The following GRIK3 variants were observed in gnomAD, a reference collection of about 807,000 sequenced individuals.
GRIK3 encodes glutamate ionotropic receptor kainate type subunit 3.
In GRIK3, 29 loss-of-function variants were observed where a neutral mutation model predicts 102.5. That is an observed-to-expected ratio of 0.28 (90% CI 0.21 to 0.39). The LOEUF is 0.39. GRIK3 is among the 10% of genes least tolerant of loss of function. GRIK3 has a pLI of 1.00. For synonymous variants in GRIK3, 511 were observed against 504.9 expected (o/e 1.01, Z -0.16); for missense variants, 908 against 1,252.4 (o/e 0.73, Z 4.15).
chr1:36,972,794 G>A (rs1642158131), intron 1 of GRIK3, among the ~76,000 whole-genome samples: 1 of 152,164 alleles, frequency 6.6e-6, no homozygotes, highest in Non-Finnish European at 1.5e-5. Context: ...ATGTCCCTCA[G>A]CAAGCTGGGA....
chr1:36,814,023 A>G (rs1032544939), intron 13 of GRIK3, among the ~76,000 whole-genome samples: 6 of 152,178 alleles, frequency 3.9e-5, no homozygotes, highest in African/African-American at 1.4e-4. Flanking sequence ...TCCTGTGAGC[A>G]TGGGCCCATG....
chr1:36,874,109 A>G (rs2124255928), intron 3 of GRIK3, among the ~76,000 whole-genome samples: 1 of 152,298 alleles, frequency 6.6e-6, no homozygotes, highest in South Asian at 2.1e-4. Flanking sequence ...AAAGTTTTCA[A>G]TCAACTGTTA....
At chr1:36,982,490 G>A (rs1642260176) in intron 1 of GRIK3, among the ~76,000 whole-genome samples, 1 of 152,350 alleles carries the variant, frequency 6.6e-6, no homozygotes, top group Admixed American at 6.5e-5. Context: ...ACCACTAGGA[G>A]GCTGGTTAGG....
chr1:36,850,273 G>A lies in GRIK3; in HGVS notation c.1326+38C>T, dbSNP rs779889701. The A allele has an allele frequency of 5.2e-6, 7 of 1,357,858 alleles. No individual in the cohort carries two copies. In the African/African-American group the frequency reaches 8.6e-5, roughly 17 times the overall value. The allele number at this position is 1,357,858 out of a possible 1,614,324, so 84.1% of individuals were successfully genotyped here. A position where few individuals can be genotyped will look rare whatever the true frequency, so the allele number is the denominator to read the frequency against. On this transcript the variant is annotated intron_variant, in intron 9 of 15. Transcript: ENST00000373091. This position sits in a 1 kb window ranked among gnomAD's most constrained non-coding sequence, Gnocchi z 4.0. ...GCCCGAACGGCCACCCCACCCCCAG[G>A]TCGGACAGTCCTTCCTGCAGGGGCT...
chr1:36,866,123 C>T (rs1029862496), intron 5 of GRIK3, among the ~76,000 whole-genome samples: 1 of 152,212 alleles, frequency 6.6e-6, no homozygotes, highest in Admixed American at 6.5e-5. Context: ...CAAGTGATCC[C>T]CTTGCCTTGG....
At chr1:36,821,996 A>G (rs1346395076) in intron 11 of GRIK3, among the ~76,000 whole-genome samples, 2 of 152,226 alleles carry the variant, frequency 1.3e-5, no homozygotes, top group Non-Finnish European at 2.9e-5. Context: ...TAATGTTACC[A>G]ACCTCTTTTC....
intron 2 of GRIK3, among the ~76,000 whole-genome samples, chr1:36,889,719 C>A (rs1382745374): frequency 6.6e-6 from 1 of 152,108 alleles, no homozygotes; most frequent in African/African-American, 2.4e-5. Flanking sequence ...CCCTGGGGTT[C>A]CCTGCCTGGC....
chr1:36,842,925 G>T (rs1640477038), intron 9 of GRIK3, among the ~76,000 whole-genome samples: 2 of 152,174 alleles, frequency 1.3e-5, no homozygotes. Context: ...TCCCTCAGGG[G>T]CAGGCGATCC....
At chr1:36,983,664 A>T (rs1444860730) in intron 1 of GRIK3, among the ~76,000 whole-genome samples, 2 of 151,710 alleles carry the variant, frequency 1.3e-5, no homozygotes, top group East Asian at 3.9e-4. Context: ...ACTCTATAAT[A>T]CTCTATCCCA....
In GRIK3 at chr1:36,806,149, C is replaced by T. The variant is rs770933463; in HGVS notation, c.2269G>A (p.Gly757Arg). 4.3e-6 allele frequency: 7 copies of T among 1,614,048 alleles called. No individual in the cohort carries two copies. Among genetic ancestry groups the T allele is most frequent in the East Asian group, 2.2e-5 (1 of 44,850 alleles). Residue 757 changes from glycine to arginine, a missense_variant, in exon 14 of 16, where the codon GGG becomes AGG. Transcript: ENST00000373091. The surrounding 1 kb of genome is among the most constrained non-coding windows in gnomAD (Gnocchi z 4.0). ...TQRNCNLTQI[G>R]GLIDSKGYGI... ...TAGCCCTTGGAGTCAATGAGGCCCC[C>T]GATCTGGGTGAGGTTGCAGTTCCTC...
rs1237443586 is a variant in GRIK3 at position 36,859,051 on chromosome 1, T to C, written c.1104+57A>G. Reference sequence around the variant, plus strand: ...CCTGACTCCCAGACCACTCTGCTGCTCTACAGGGCCCACAGTCCCGGGGAG... The same window carrying C: ...CCTGACTCCCAGACCACTCTGCTGCCCTACAGGGCCCACAGTCCCGGGGAG... On this transcript the variant is annotated intron_variant, in intron 7 of 15. Transcript: ENST00000373091. The C allele has an allele frequency of 4.8e-6, 7 of 1,445,312 alleles. No individual in the cohort carries two copies. In the East Asian group the frequency reaches 7.1e-5, roughly 15 times the overall value. 89.5% of individuals were successfully genotyped at this position (1,445,312 alleles called of 1,614,324 possible).
In GRIK3 at chr1:36,808,943, G is replaced by A. The variant is rs79054411; in HGVS notation, c.2092-2617C>T. 7.7e-3 allele frequency among the ~76,000 whole-genome samples: 1,173 copies of A among 152,200 alleles called. 12 individuals carry two copies. Among genetic ancestry groups the A allele is most frequent in the African/African-American group, 0.027 (1,106 of 41,512 alleles). ...GTCATCTCTGCTTTGCCAGATACAC[G>A]TGTTCCTGATACTCTACCATCCTGG... On this transcript the variant is annotated intron_variant, in intron 13 of 15. Transcript: ENST00000373091.
chr1:36,953,354 T>G (rs1350512261), intron 1 of GRIK3, among the ~76,000 whole-genome samples: 1 of 152,136 alleles, frequency 6.6e-6, no homozygotes, highest in Admixed American at 6.5e-5. Flanking sequence ...CCTGCAGATA[T>G]GCTGTTGAGC....
At chr1:36,832,376 G>A (rs763376450) in intron 10 of GRIK3, among the ~76,000 whole-genome samples, 4 of 152,166 alleles carry the variant, frequency 2.6e-5, no homozygotes, top group Non-Finnish European at 5.9e-5. Context: ...GCACATGGCC[G>A]TTTACAAGAG....
At chr1:36,984,537 C>T (rs183622283) in intron 1 of GRIK3, among the ~76,000 whole-genome samples, 6 of 152,340 alleles carry the variant, frequency 3.9e-5, no homozygotes, top group Middle Eastern at 3.4e-3. Flanking sequence ...CTTATGAGCT[C>T]TGGGCACCAT....
intron 15 of GRIK3, chr1:36,804,752 C>T (rs1023325551): frequency 5.5e-5 from 31 of 568,542 alleles, no homozygotes; most frequent in Middle Eastern, 4.4e-4. Flanking sequence ...TTGAAGGCTG[C>T]GGCATAATCC....
intron 1 of GRIK3, among the ~76,000 whole-genome samples, chr1:36,973,880 C>T (rs1432450411): frequency 6.6e-6 from 1 of 152,146 alleles, no homozygotes; most frequent in Non-Finnish European, 1.5e-5. Flanking sequence ...CAGTACCCTG[C>T]CCTTGTCTCA....
At chr1:36,890,674 T>G (rs1028937543) in intron 2 of GRIK3, among the ~76,000 whole-genome samples, 3 of 152,114 alleles carry the variant, frequency 2.0e-5, no homozygotes, top group Non-Finnish European at 4.4e-5. Flanking sequence ...TCTAAGCACT[T>G]TACAGAAATG....
intron 1 of GRIK3, among the ~76,000 whole-genome samples, chr1:36,947,167 C>T (rs568002676): frequency 3.9e-5 from 6 of 152,190 alleles, no homozygotes; most frequent in Admixed American, 3.3e-4. Context: ...GCTCCTGGCC[C>T]ACTCCTGGGC....
Sources: allele counts gnomAD v4.1 joint callset (sites outside exome capture counted in the v4.1 genomes callset), GRCh38; gene constraint gnomAD v4.1.1; non-coding constraint Gnocchi (gnomAD v3.1); transcripts MANE v1.5; gene names NCBI Gene and HGNC (gene_info 2026-07-23, HGNC 2026-07-21).